Variants in BAZ2A observed in about 807,000 individuals in gnomAD.
The protein encoded by BAZ2A is bromodomain adjacent to zinc finger domain 2A.
In BAZ2A, 34 loss-of-function variants were observed where a neutral mutation model predicts 199.9. That is an observed-to-expected ratio of 0.17 (90% confidence interval 0.13 to 0.23). The LOEUF is 0.23. BAZ2A is among the 10% of genes least tolerant of loss of function. The pLI, the probability that BAZ2A is intolerant of heterozygous loss-of-function variation, is 1.00. For missense variants in BAZ2A, 2,002 were observed against 2,391.1 expected (o/e 0.84, Z 3.39); for synonymous variants, 857 against 883.9 (o/e 0.97, Z 0.54).
chr12:56,599,594 A>G, intron 26 of BAZ2A, 108 bp downstream of exon 26: 1 of 1,497,354 alleles, frequency 6.7e-7, no homozygotes, highest in Non-Finnish European at 9.0e-7. Flanking sequence ...AGGACTTAGA[A>G]CCCAGGTCCC....
At chr12:56,629,093 G>C (rs1189023412) in intron 1 of BAZ2A, among the ~76,000 whole-genome samples, 1 of 151,214 alleles carries the variant, frequency 6.6e-6, no homozygotes, top group African/African-American at 2.4e-5. Context: ...AGCTTGCCCA[G>C]AAGGCTTCAG....
chr12:56,604,973 A>G lies in BAZ2A; in HGVS notation c.2748+100T>C, dbSNP rs888160605. 4.1e-6 allele frequency: 6 copies of G among 1,461,972 alleles called. No homozygotes were observed. The East Asian group carries it at 1.4e-4, about 34-fold the overall frequency. The allele number at this position is 1,461,972 out of a possible 1,614,324, so 90.6% of individuals were successfully genotyped here. A position where few individuals can be genotyped will look rare whatever the true frequency, so the allele number is the denominator to read the frequency against. ...GAAAAATAAAATAAGGAGAGGAGTC[A>G]GGAAGAAAAAGAAATGGAAAAATAT... On this transcript the variant is annotated intron_variant, in intron 14 of 28. Coordinates refer to ENST00000549884, the MANE Select transcript of BAZ2A (RefSeq NM_001300905.2).
intron 1 of BAZ2A, among the ~76,000 whole-genome samples, chr12:56,619,072 G>A (rs565042525): frequency 6.6e-5 from 10 of 151,610 alleles, no homozygotes; most frequent in African/African-American, 1.9e-4. Flanking sequence ...GGCCAGGCAC[G>A]GTGGCTCACA....
At chr12:56,603,115 C>T (rs1342818605) in intron 18 of BAZ2A, among the ~76,000 whole-genome samples, 1 of 152,134 alleles carries the variant, frequency 6.6e-6, no homozygotes, top group Non-Finnish European at 1.5e-5. Flanking sequence ...GAAACTGTCT[C>T]TACAAAAACA....
chr12:56,604,667 A>T lies in BAZ2A; in HGVS notation c.2881T>A (p.Phe961Ile). The T allele has an allele frequency of 6.2e-7, 1 of 1,612,030 alleles. No homozygotes were observed. The highest frequency in any genetic ancestry group is 8.5e-7 in the Non-Finnish European group (1 of 1,179,102). Residue 961 changes from phenylalanine (F) to isoleucine (I), a missense_variant, in exon 15 of 29, where the codon TTT becomes ATT. By Grantham distance (21) the Phe-to-Ile change is conservative. Transcript: ENST00000549884. The part of the protein sequence containing the change: ...ALCDRLRTQP[F>I]QAQPPQQKAA... ...TTCTGCTGGGGTGGCTGGGCCTGAAAAGGCTGGGTGCGCAGGCGGTCACAG... is the reference window on the plus strand; with the variant it reads ...TTCTGCTGGGGTGGCTGGGCCTGAATAGGCTGGGTGCGCAGGCGGTCACAG...
intron 3 of BAZ2A, among the ~76,000 whole-genome samples, chr12:56,614,756 G>C (rs938169059): frequency 2.0e-5 from 3 of 152,166 alleles, no homozygotes; most frequent in African/African-American, 7.2e-5. Context: ...TGTTGGGGCT[G>C]TTTCGGGCTC....
intron 1 of BAZ2A, among the ~76,000 whole-genome samples, chr12:56,624,620 A>C (rs867786991): frequency 2.6e-4 from 39 of 151,828 alleles, no homozygotes; most frequent in Admixed American, 2.6e-4. Flanking sequence ...AGAGAACAAA[A>C]AAAAAAAAAA....
intron 3 of BAZ2A, 47 bp downstream of exon 3, chr12:56,614,967 G>A (rs750633150): frequency 1.8e-5 from 28 of 1,539,006 alleles, no homozygotes; most frequent in Admixed American, 5.7e-5. Flanking sequence ...TATCCCCCCC[G>A]AGCTCCATTT....
chr12:56,599,898 C>T (rs1178678969), intron 25 of BAZ2A, 50 bp from the exon 26 acceptor site: 4 of 1,613,274 alleles, frequency 2.5e-6, no homozygotes, highest in South Asian at 1.1e-5. Context: ...CCTCTACCTG[C>T]CAGTGACCCC....
intron 5 of BAZ2A, 24 bp from the exon 6 acceptor site, chr12:56,612,270 G>T: frequency 6.4e-7 from 1 of 1,566,566 alleles, no homozygotes; most frequent in South Asian, 1.1e-5. Flanking sequence ...GGACAGGATA[G>T]GCTTTAAAAA....
chr12:56,631,553 T>C (rs952709399), upstream of BAZ2A, among the ~76,000 whole-genome samples: 2 of 151,048 alleles, frequency 1.3e-5, no homozygotes, highest in African/African-American at 4.9e-5. Context: ...TGTCAAACAG[T>C]GGATAAAATA....
chr12:56,617,560 A>C, intron 1 of BAZ2A, 28 bp from the exon 2 acceptor site: 1 of 1,593,046 alleles, frequency 6.3e-7, no homozygotes, highest in Non-Finnish European at 8.6e-7. Context: ...GAGGGAAAAA[A>C]AATACTGGCG....
At chr12:56,638,161 G>A (rs373088313), upstream of BAZ2A, 89 of 612,812 alleles carry the variant, frequency 1.5e-4, no homozygotes, top group African/African-American at 1.4e-3. Context: ...TCAGAACCAA[G>A]AGAATCAGAC....
In BAZ2A at chr12:56,635,561, C is replaced by T. The variant is rs569727041; in HGVS notation, c.4+621G>A. Among the ~76,000 whole-genome samples the T allele has an allele frequency of 6.6e-6, 1 of 152,322 alleles. No individual in the cohort carries two copies. Among genetic ancestry groups the T allele is most frequent in the African/African-American group, 2.4e-5 (1 of 41,582 alleles). ...CTCAACCTCAATCCTGCGTCCCACT[C>T]AGTGCCCTCAGTGACTGTAGTGTGG... On this transcript the variant is annotated intron_variant, in intron 1 of 29. Coordinates refer to the BAZ2A transcript ENST00000379441. This position sits in a 1 kb window ranked among gnomAD's most constrained non-coding sequence, Gnocchi z 4.1.
chr12:56,611,671 A>T (rs774289992), intron 6 of BAZ2A, 38 bp from the exon 7 acceptor site: 3 of 1,571,244 alleles, frequency 1.9e-6, no homozygotes, highest in Non-Finnish European at 8.6e-7. Context: ...GAGTTCAAGC[A>T]AAATATTTAA....
In BAZ2A at chr12:56,601,366, C is replaced by G; in HGVS notation, c.4108G>C (p.Val1370Leu). The change falls in exon 21 of 29, where the codon GTG (valine) becomes CTG (leucine). Residue 1370 changes from valine to leucine, a missense_variant. This residue lies in a region of BAZ2A where 1,081 missense variants were observed against 1,274.7 expected (regional missense o/e 0.85). Coordinates refer to ENST00000549884, the MANE Select transcript of BAZ2A (RefSeq NM_001300905.2). ...RPSAANPCSP[V>L]QFSSTPLAGL... Reference sequence around the variant, plus strand: ...GCCAAGGGCGTGGAAGAGAACTGCACTGGAGAACAAGGGTTGGCAGCACTA... The same window carrying G: ...GCCAAGGGCGTGGAAGAGAACTGCAGTGGAGAACAAGGGTTGGCAGCACTA... The G allele has an allele frequency of 6.2e-7, 1 of 1,613,926 alleles. No individual in the cohort carries two copies. Among genetic ancestry groups the G allele is most frequent in the Non-Finnish European group, 8.5e-7 (1 of 1,179,860 alleles).
chr12:56,603,294 AAAG>A, intron 18 of BAZ2A, 62 bp downstream of exon 18: 1 of 1,522,842 alleles, frequency 6.6e-7, no homozygotes, highest in Non-Finnish European at 9.0e-7. Flanking sequence ...TCAGTTTAAA[AAAG>A]AAGCTGATCA....
rs1306509038 is a variant in BAZ2A at position 56,611,934 on chromosome 12, G to A, written c.1448C>T (p.Pro483Leu). The change falls in exon 6 of 29, where the codon CCG (proline) becomes CTG (leucine). Residue 483 changes from proline to leucine, a missense_variant. This residue lies in a region of BAZ2A where 641 missense variants were observed against 694.5 expected (regional missense o/e 0.92). Transcript: ENST00000549884. Reference protein sequence around the residue: ...AVLPAVSLEVPLTASVTSPKA... With the variant: ...AVLPAVSLEVLLTASVTSPKA... ...TGGGGATGTCACTGAAGCCGTCAAC[G>A]GGACTTCTAAGGAGACTGCTGGGAG... 3 of 1,612,092 alleles carry A rather than the reference G, an allele frequency of 1.9e-6. No homozygotes were observed. Among genetic ancestry groups the A allele is most frequent in the South Asian group, 1.1e-5 (1 of 90,686 alleles).
At position 56,597,191 on chromosome 12, in the gene BAZ2A, C is replaced by T. The variant is rs1281807290; in HGVS notation, c.*1427G>A. On this transcript the variant is annotated 3_prime_UTR_variant, in exon 29 of 29. Coordinates refer to ENST00000549884, the MANE Select transcript of BAZ2A (RefSeq NM_001300905.2). ...ATGTAGGGCAGTGATGGACCCAGAA[C>T]CCCTCCTCCCTACTCTCCTGTGCTC... 6.6e-6 allele frequency: 1 copy of T among 152,594 alleles called. No homozygotes were observed. Among genetic ancestry groups the T allele is most frequent in the African/African-American group, 2.4e-5 (1 of 41,414 alleles). The allele number at this position is 152,594 out of a possible 1,614,324, so 9.5% of individuals were successfully genotyped here.
Sources: allele counts gnomAD v4.1 joint callset (sites outside exome capture counted in the v4.1 genomes callset), GRCh38; gene constraint gnomAD v4.1.1; regional missense constraint gnomAD v4.1.1; non-coding constraint Gnocchi (gnomAD v3.1); transcripts MANE v1.5; gene names NCBI Gene and HGNC (gene_info 2026-07-23, HGNC 2026-07-21).